Variants in RBFOX1 observed in about 807,000 individuals in gnomAD.
RBFOX1 encodes RNA binding protein fox-1 homolog 1.
Under a neutral mutation model 57.7 loss-of-function variants are expected in RBFOX1, and 8 were observed. That is an observed-to-expected ratio of 0.14 (90% CI 0.08 to 0.25). The LOEUF (loss-of-function observed/expected upper bound fraction) is 0.25. Ranked by LOEUF, RBFOX1 falls within the 10% of genes least tolerant of loss-of-function variation. The pLI is 1.00. For synonymous variants in RBFOX1, 326 were observed against 222.4 expected (o/e 1.47, Z -4.15); for missense variants, 611 against 548.5 (o/e 1.11, Z -1.14).
chr16:6,888,473 G>A (rs181283138), intron 3 of RBFOX1, among the ~76,000 whole-genome samples: 492 of 152,184 alleles, frequency 3.2e-3, no homozygotes, highest in Middle Eastern at 0.01. Context: ...TTCATTTTCG[G>A]TTCAGGGGGA....
rs187015526 is a variant in RBFOX1 at position 6,394,538 on chromosome 16, A to G, written c.-64+77481A>G. Reference sequence around the variant, plus strand: ...TTTTGTGATTCTGAAAGGATGAGAAATTATGCAAAAGAAACGAGCTAGAAT... The same window carrying G: ...TTTTGTGATTCTGAAAGGATGAGAAGTTATGCAAAAGAAACGAGCTAGAAT... On this transcript the variant is annotated intron_variant, in intron 2 of 15. Transcript: ENST00000550418. Among the ~76,000 whole-genome samples the G allele has an allele frequency of 8.6e-4, 131 of 152,242 alleles. 1 individual carries two copies. The highest frequency in any genetic ancestry group is 2.4e-3 in the African/African-American group (101 of 41,554).
intron 9 of RBFOX1, among the ~76,000 whole-genome samples, chr16:7,601,142 A>G (rs77583893): frequency 0.028 from 4,311 of 152,254 alleles, 195 homozygotes; most frequent in African/African-American, 0.099. Context: ...AAGGATGAAA[A>G]TGGGGCAAAC....
intron 3 of RBFOX1, among the ~76,000 whole-genome samples, chr16:6,934,491 GC>G (rs1306925471): frequency 6.6e-6 from 1 of 152,054 alleles, no homozygotes; most frequent in Non-Finnish European, 1.5e-5. Context: ...CCATCAGTGG[GC>G]TAATGGACAA....
At chr16:6,607,586 C>T (rs1479357267) in intron 2 of RBFOX1, among the ~76,000 whole-genome samples, 2 of 149,488 alleles carry the variant, frequency 1.3e-5, no homozygotes, top group African/African-American at 2.5e-5. Context: ...GTCCTGTCTC[C>T]CTCCTCTCTC....
At chr16:7,226,352 G>A (rs961363850) in intron 4 of RBFOX1, among the ~76,000 whole-genome samples, 1 of 152,200 alleles carries the variant, frequency 6.6e-6, no homozygotes, top group African/African-American at 2.4e-5. Flanking sequence ...AGTGTGTAAT[G>A]CCCACCTGAA....
At chr16:6,731,021 G>C (rs1304441121) in intron 3 of RBFOX1, among the ~76,000 whole-genome samples, 1 of 152,154 alleles carries the variant, frequency 6.6e-6, no homozygotes, top group Non-Finnish European at 1.5e-5. Flanking sequence ...CAAAAGAGAG[G>C]TTATGTTTGC....
intron 2 of RBFOX1, chr16:6,483,070 T>C (rs1011826241): frequency 3.0e-5 from 28 of 929,578 alleles, no homozygotes; most frequent in Middle Eastern, 5.3e-4. Context: ...GCTCGGAGCT[T>C]TGCAAGTGCC....
chr16:6,215,043 AG>A (rs1271868932), intron 1 of RBFOX1, among the ~76,000 whole-genome samples: 8 of 91,880 alleles, frequency 8.7e-5, no homozygotes, highest in African/African-American at 2.1e-4. Flanking sequence ...GGAGAGGGAG[AG>A]GGGAGAAGGA....
At chr16:7,264,652 A>G (rs1048471356) in intron 4 of RBFOX1, among the ~76,000 whole-genome samples, 11 of 152,228 alleles carry the variant, frequency 7.2e-5, no homozygotes, top group African/African-American at 2.4e-4. Context: ...TTTGCATTTC[A>G]TGTAATTTTC....
At chr16:6,458,692 G>C (rs559786223) in intron 2 of RBFOX1, among the ~76,000 whole-genome samples, 3 of 152,230 alleles carry the variant, frequency 2.0e-5, no homozygotes, top group Non-Finnish European at 4.4e-5. Flanking sequence ...ACAAGGTAAA[G>C]TGGCCAGTGC....
chr16:6,582,597 A>G (rs1480145788), intron 2 of RBFOX1, among the ~76,000 whole-genome samples: 1 of 152,074 alleles, frequency 6.6e-6, no homozygotes, highest in East Asian at 1.9e-4. Context: ...CATTTAAAAT[A>G]CTTAAATGAT....
At chr16:7,465,788 A>G (rs2060409020) in intron 4 of RBFOX1, among the ~76,000 whole-genome samples, 1 of 152,236 alleles carries the variant, frequency 6.6e-6, no homozygotes, top group East Asian at 1.9e-4. Context: ...AGGAATATGC[A>G]TTTATAACAG....
chr16:5,616,868 C>T (rs1423442777), intron 3 of RBFOX1, among the ~76,000 whole-genome samples: 1 of 150,302 alleles, frequency 6.7e-6, no homozygotes, highest in Non-Finnish European at 1.5e-5. Context: ...CTCCCTTCCC[C>T]ACCCCTCCCC....
At chr16:6,889,308 G>A (rs1020221690) in intron 3 of RBFOX1, among the ~76,000 whole-genome samples, 5 of 152,176 alleles carry the variant, frequency 3.3e-5, no homozygotes, top group African/African-American at 9.6e-5. Flanking sequence ...ATAGGTGATG[G>A]ATGTCACTTT....
chr16:7,326,639 A>G (rs150232200), intron 4 of RBFOX1, among the ~76,000 whole-genome samples: 32 of 151,540 alleles, frequency 2.1e-4, no homozygotes, highest in African/African-American at 7.8e-4. Flanking sequence ...TAATGCATTT[A>G]TGAGAGGGTA....
intron 2 of RBFOX1, among the ~76,000 whole-genome samples, chr16:5,472,934 TC>T (rs1254475795): frequency 6.6e-6 from 1 of 152,090 alleles, no homozygotes; most frequent in Non-Finnish European, 1.5e-5. Context: ...CTGCTCAAAG[TC>T]CCAAGGCTTC....
chr16:6,484,100 A>G (rs1483140584), intron 2 of RBFOX1, among the ~76,000 whole-genome samples: 1 of 152,174 alleles, frequency 6.6e-6, no homozygotes, highest in Non-Finnish European at 1.5e-5. Context: ...TTCCTTGCCA[A>G]TGCTCATTGG....
chr16:5,417,898 T>C (rs904999299), intron 1 of RBFOX1, among the ~76,000 whole-genome samples: 4 of 152,084 alleles, frequency 2.6e-5, no homozygotes, highest in African/African-American at 4.8e-5. Context: ...CTGGCGAACA[T>C]AGTGGAACCG....
intron 3 of RBFOX1, among the ~76,000 whole-genome samples, chr16:6,999,295 G>C (rs115224495): frequency 6.8e-6 from 1 of 147,422 alleles, no homozygotes; most frequent in East Asian, 2.0e-4. Flanking sequence ...GGGTTCAAGC[G>C]GTCCACCTGC....
Sources: allele counts gnomAD v4.1 joint callset (sites outside exome capture counted in the v4.1 genomes callset), GRCh38; gene constraint gnomAD v4.1.1; transcripts MANE v1.5; gene names NCBI Gene and HGNC (gene_info 2026-07-23, HGNC 2026-07-21).